The following MAGI1 variants were observed in gnomAD, a reference collection of about 807,000 sequenced individuals.
MAGI1 encodes the protein membrane associated guanylate kinase, WW and PDZ domain containing 1.
In MAGI1, 58 loss-of-function variants were observed where a neutral mutation model predicts 139.9. The observed-to-expected ratio is 0.41, with a 90% confidence interval of 0.34 to 0.52. The LOEUF (loss-of-function observed/expected upper bound fraction) is 0.52, where lower values mean the gene tolerates loss of function less well. MAGI1 is among the 20% of genes least tolerant of loss of function. The pLI, the probability that MAGI1 is intolerant of heterozygous loss-of-function variation, is 0.12. For missense variants in MAGI1, 1,874 were observed against 1,901.6 expected, an observed-to-expected ratio of 0.99 and a Z score of 0.27; for synonymous variants, 812 against 737.9, an observed-to-expected ratio of 1.10 and a Z score of -1.63.
intron 1 of MAGI1, among the ~76,000 whole-genome samples, chr3:65,908,029 C>T (rs572710941): frequency 5.3e-5 from 8 of 152,070 alleles, no homozygotes; most frequent in African/African-American, 1.4e-4. Context: ...AAATACCACA[C>T]GAACACAACT....
chr3:65,392,627 A>C (rs1944024330), intron 13 of MAGI1, among the ~76,000 whole-genome samples: 1 of 152,112 alleles, frequency 6.6e-6, no homozygotes, highest in Non-Finnish European at 1.5e-5. Context: ...TGTCTCCCCG[A>C]GTATCCTTCA....
intron 1 of MAGI1, among the ~76,000 whole-genome samples, chr3:65,884,436 A>G (rs868185654): frequency 6.6e-6 from 1 of 152,234 alleles, no homozygotes; most frequent in Non-Finnish European, 1.5e-5. Context: ...ACAATGGCCA[A>G]AAAGTACTTC....
At chr3:65,528,094 G>A (rs1430864027) in intron 2 of MAGI1, among the ~76,000 whole-genome samples, 1 of 151,994 alleles carries the variant, frequency 6.6e-6, no homozygotes, top group Non-Finnish European at 1.5e-5. Flanking sequence ...AACAAAAAAT[G>A]GCTTTTTAAT....
At chr3:65,523,072 C>T (rs1310344938) in intron 2 of MAGI1, among the ~76,000 whole-genome samples, 1 of 152,130 alleles carries the variant, frequency 6.6e-6, no homozygotes, top group Non-Finnish European at 1.5e-5. Flanking sequence ...TACTGATCTC[C>T]TCAACCAGAA....
chr3:65,725,307 T>G (rs1262155276), intron 1 of MAGI1, among the ~76,000 whole-genome samples: 1 of 152,186 alleles, frequency 6.6e-6, no homozygotes, highest in Non-Finnish European at 1.5e-5. Flanking sequence ...TGTACCCCAG[T>G]GTCTCCATCT....
chr3:65,584,801 T>A (rs1400117160), intron 2 of MAGI1, among the ~76,000 whole-genome samples: 1 of 152,212 alleles, frequency 6.6e-6, no homozygotes, highest in Non-Finnish European at 1.5e-5. Context: ...AAGTCAAGTA[T>A]AACAGTACTC....
intron 1 of MAGI1, among the ~76,000 whole-genome samples, chr3:65,666,372 G>A (rs933118037): frequency 2.0e-5 from 3 of 152,088 alleles, no homozygotes; most frequent in African/African-American, 4.8e-5. Context: ...GATTTTTATG[G>A]CCATCCCCAG....
chr3:65,773,717 A>G (rs1231882668), intron 1 of MAGI1, among the ~76,000 whole-genome samples: 1 of 152,178 alleles, frequency 6.6e-6, no homozygotes, highest in Non-Finnish European at 1.5e-5. Flanking sequence ...TCTGGAGAAC[A>G]TGGTGAATTC....
intron 1 of MAGI1, among the ~76,000 whole-genome samples, chr3:65,854,724 A>G (rs1215737188): frequency 1.3e-5 from 2 of 152,230 alleles, no homozygotes; most frequent in African/African-American, 4.8e-5. Flanking sequence ...TGTCACCTAA[A>G]TGAGCTGCTG....
At chr3:65,622,639 C>T (rs372987292) in intron 1 of MAGI1, among the ~76,000 whole-genome samples, 6 of 152,204 alleles carry the variant, frequency 3.9e-5, no homozygotes, top group East Asian at 3.9e-4. Flanking sequence ...TCTCAGCTCA[C>T]GGTAACCTCC....
chr3:65,537,112 G>A (rs1188405575), intron 2 of MAGI1, among the ~76,000 whole-genome samples: 3 of 152,108 alleles, frequency 2.0e-5, no homozygotes, highest in Non-Finnish European at 2.9e-5. Flanking sequence ...CCCAACCTAC[G>A]CTGTCTAACC....
chr3:65,552,263 T>G (rs770606324), intron 2 of MAGI1, among the ~76,000 whole-genome samples: 10 of 91,168 alleles, frequency 1.1e-4, no homozygotes, highest in South Asian at 4.2e-4. Context: ...TATAGGGGTG[T>G]GTGTGTGTGT....
chr3:65,471,819 T>G (rs573902800), intron 4 of MAGI1, among the ~76,000 whole-genome samples: 1 of 152,214 alleles, frequency 6.6e-6, no homozygotes, highest in Non-Finnish European at 1.5e-5. Flanking sequence ...ACTGGAACCA[T>G]GAAGCCAGAG....
At chr3:65,901,226 G>A (rs568831205) in intron 1 of MAGI1, among the ~76,000 whole-genome samples, 186 of 152,240 alleles carry the variant, frequency 1.2e-3, no homozygotes, top group South Asian at 2.3e-3. Flanking sequence ...AAAAGATGAC[G>A]CCACACAAAA....
chr3:65,683,053 C>G (rs1202185181), intron 1 of MAGI1, among the ~76,000 whole-genome samples: 1 of 152,042 alleles, frequency 6.6e-6, no homozygotes, highest in Non-Finnish European at 1.5e-5. Flanking sequence ...TTATGAGAAT[C>G]TAATGCCAAT....
At chr3:65,998,811 G>A (rs1328571513) in intron 1 of MAGI1, among the ~76,000 whole-genome samples, 3 of 152,002 alleles carry the variant, frequency 2.0e-5, no homozygotes, top group Non-Finnish European at 4.4e-5. Flanking sequence ...AAGCCTTGAA[G>A]CTCATAAAAA....
intron 2 of MAGI1, among the ~76,000 whole-genome samples, chr3:65,557,681 G>A (rs774585816): frequency 1.3e-5 from 2 of 152,080 alleles, no homozygotes; most frequent in African/African-American, 2.4e-5. Flanking sequence ...TAACGAAATC[G>A]ATCAGTGCCA....
At position 65,381,968 on chromosome 3, in the gene MAGI1, T is replaced by A; in HGVS notation, c.2610A>T (p.Gly870=). The change falls in exon 16 of 23, where the codon GGA becomes GGT. Residue 870 remains glycine, a synonymous_variant. Coordinates refer to ENST00000402939, the MANE Select transcript of MAGI1 (RefSeq NM_001033057.2). ...GCTGGACCACAAGCTGGTGTGATTT[T>A]CCAATTACTGGCGTCCCATCCACAC... ...LICVDGTPVI[G]KSHQLVVQLM... is the part of the protein sequence containing the mutation. The A allele has an allele frequency of 6.2e-7, 1 of 1,614,166 alleles. No homozygotes were observed. Among genetic ancestry groups the A allele is most frequent in the South Asian group, 1.1e-5 (1 of 91,074 alleles).
intron 1 of MAGI1, among the ~76,000 whole-genome samples, chr3:65,993,390 T>C (rs2066280248): frequency 1.3e-5 from 2 of 152,134 alleles, no homozygotes; most frequent in South Asian, 2.1e-4. Context: ...AGATGGGTGA[T>C]TTGCAGCAGA....
Sources: gnomAD v4.1 joint callset for allele counts (sites outside exome capture counted in the v4.1 genomes callset) on GRCh38, gnomAD v4.1.1 for gene constraint, MANE v1.5 for transcripts, NCBI Gene and HGNC (gene_info 2026-07-23, HGNC 2026-07-21) for gene names.